FAM162A: variants seen among roughly 807,000 people sequenced by gnomAD.
The protein encoded by FAM162A is family with sequence similarity 162 member A, also known as protein FAM162A.
In FAM162A, 23 loss-of-function variants were observed where a neutral mutation model predicts 21.8. The ratio of observed to expected loss-of-function variants is 1.05; its 90% confidence interval spans 0.76 to 1.49. The LOEUF (loss-of-function observed/expected upper bound fraction) is 1.49, where lower values mean the gene tolerates loss of function less well. Among genes scored for constraint, FAM162A ranks in the 40% most tolerant of loss-of-function variants. The probability of loss-of-function intolerance (pLI) is 0.00; values close to 1 mark genes in which losing one functional copy is unlikely to be tolerated. For missense variants in FAM162A, 165 were observed against 186.4 expected (o/e 0.89, Z 0.67); for synonymous variants, 53 against 61.3 (o/e 0.86, Z 0.64).
chr3:122,409,567 G>GT (rs2075693591), intron 4 of FAM162A, among the ~76,000 whole-genome samples, 172 bp from the exon 5 acceptor site: 1 of 152,060 alleles, frequency 6.6e-6, no homozygotes, highest in African/African-American at 2.4e-5. Context: ...TGCTGTTCTT[G>GT]GAAGCGTACG....
chr3:122,394,745 C>G (rs187452695), intron 1 of FAM162A, among the ~76,000 whole-genome samples: 21 of 152,200 alleles, frequency 1.4e-4, no homozygotes, highest in African/African-American at 5.1e-4. Flanking sequence ...ACAAATTCTT[C>G]CAAAATACAA....
At chr3:122,406,041 G>C (rs1457502417) in intron 3 of FAM162A, among the ~76,000 whole-genome samples, 2 of 152,040 alleles carry the variant, frequency 1.3e-5, no homozygotes, top group African/African-American at 4.8e-5. Flanking sequence ...CCTTCCACCT[G>C]CAACATCCCA....
intron 1 of FAM162A, among the ~76,000 whole-genome samples, chr3:122,391,872 C>T (rs2075605751): frequency 6.6e-6 from 1 of 152,250 alleles, no homozygotes; most frequent in Non-Finnish European, 1.5e-5. Flanking sequence ...AAATTTCATA[C>T]ACAGCCCATT....
rs750731612 is a variant in FAM162A at position 122,407,464 on chromosome 3, T to C, written c.372+75T>C. On this transcript the variant is annotated intron_variant, in intron 4 of 4. Coordinates refer to ENST00000477892, the MANE Select transcript of FAM162A (RefSeq NM_014367.4). ...CCTAGAGTAAATCAGGGATTGACCC[T>C]TGTATTTACCCTCTGAGAAGAGGAG... 5 of 1,163,364 alleles carry C rather than the reference T, an allele frequency of 4.3e-6. No homozygotes were observed. In the African/African-American group the frequency reaches 4.6e-5, roughly 11 times the overall value. 72.1% of individuals were successfully genotyped at this position (1,163,364 alleles called of 1,614,324 possible). A position where few individuals can be genotyped will look rare whatever the true frequency, so the allele number is the denominator to read the frequency against.
intron 3 of FAM162A, among the ~76,000 whole-genome samples, chr3:122,405,925 C>G (rs545199431): frequency 6.6e-6 from 1 of 152,154 alleles, no homozygotes. Context: ...TCTTGGGTTC[C>G]TGCCAGCCTG....
intron 1 of FAM162A, among the ~76,000 whole-genome samples, chr3:122,391,594 G>A (rs960454046): frequency 3.3e-5 from 5 of 152,198 alleles, no homozygotes; most frequent in African/African-American, 4.8e-5. Context: ...GATACAGTCT[G>A]ATCTAGGTGA....
At chr3:122,386,879 T>C (rs1201156843) in intron 1 of FAM162A, among the ~76,000 whole-genome samples, 2 of 152,210 alleles carry the variant, frequency 1.3e-5, no homozygotes, top group Non-Finnish European at 2.9e-5. Context: ...ATTTTTATGA[T>C]TGTATACCAT....
chr3:122,405,696 C>CT (rs2075673681), intron 3 of FAM162A, among the ~76,000 whole-genome samples: 1 of 152,200 alleles, frequency 6.6e-6, no homozygotes. Context: ...CTGGAAGGGT[C>CT]TTTTCTGGGC....
At chr3:122,398,085 A>T (rs917351376) in intron 1 of FAM162A, among the ~76,000 whole-genome samples, 1 of 149,038 alleles carries the variant, frequency 6.7e-6, no homozygotes, top group Non-Finnish European at 1.5e-5. Flanking sequence ...AGAGCACATC[A>T]CATGTGTAAA....
chr3:122,405,667 T>C (rs115085187), intron 3 of FAM162A, among the ~76,000 whole-genome samples: 35 of 152,262 alleles, frequency 2.3e-4, no homozygotes, highest in African/African-American at 7.2e-4. Flanking sequence ...AGGCCCAAAA[T>C]ACTACCTCAC....
intron 1 of FAM162A, among the ~76,000 whole-genome samples, chr3:122,397,461 C>T (rs897123552): frequency 2.6e-5 from 4 of 152,156 alleles, no homozygotes; most frequent in African/African-American, 9.7e-5. Flanking sequence ...AAGTCTTGGA[C>T]ATTCCATTTC....
At chr3:122,397,998 G>A (rs930561268) in intron 1 of FAM162A, among the ~76,000 whole-genome samples, 5 of 152,188 alleles carry the variant, frequency 3.3e-5, no homozygotes, top group Non-Finnish European at 5.9e-5. Context: ...AATGACCACT[G>A]ATGATGTGTT....
chr3:122,410,181 AG>A lies in FAM162A; in HGVS notation c.*352del, dbSNP rs2075698280. The stretch of plus-strand genomic sequence containing the variant: ...CGAACTCATTTTGAGGAGATAAGGA[AG>A]GCCAGTTGAGTATATGGCCCAGGTG... On this transcript the variant is annotated 3_prime_UTR_variant, in exon 5 of 5. Transcript: ENST00000477892. 1 of 350,922 alleles carries A rather than the reference AG, an allele frequency of 2.8e-6. No homozygotes were observed. Among genetic ancestry groups the A allele is most frequent in the Non-Finnish European group, 5.5e-6 (1 of 182,030 alleles). The allele number at this position is 350,922 out of a possible 1,614,324, so 21.7% of individuals were successfully genotyped here. A position where few individuals can be genotyped will look rare whatever the true frequency, so the allele number is the denominator to read the frequency against.
At chr3:122,395,258 G>C (rs1422258763) in intron 1 of FAM162A, among the ~76,000 whole-genome samples, 1 of 152,126 alleles carries the variant, frequency 6.6e-6, no homozygotes, top group Non-Finnish European at 1.5e-5. Context: ...ACTTACTGGA[G>C]GTTCTCGTTA....
intron 1 of FAM162A, among the ~76,000 whole-genome samples, chr3:122,389,635 C>T (rs199932805): frequency 7.2e-5 from 11 of 152,006 alleles, no homozygotes; most frequent in South Asian, 2.1e-4. Flanking sequence ...AGCTGTGTGT[C>T]GGGTTTTATA....
chr3:122,397,451 A>G (rs1170027045), intron 1 of FAM162A, among the ~76,000 whole-genome samples: 3 of 152,186 alleles, frequency 2.0e-5, no homozygotes, highest in Non-Finnish European at 4.4e-5. Context: ...CATTCAATAC[A>G]AGTCTTGGAC....
At chr3:122,400,957 T>G (rs1049925128) in intron 1 of FAM162A, among the ~76,000 whole-genome samples, 1 of 152,216 alleles carries the variant, frequency 6.6e-6, no homozygotes, top group African/African-American at 2.4e-5. Flanking sequence ...AAATCATAAA[T>G]ACATCTTATA....
intron 1 of FAM162A, among the ~76,000 whole-genome samples, chr3:122,394,478 AAC>A (rs915848931): frequency 1.2e-4 from 18 of 152,220 alleles, no homozygotes; most frequent in African/African-American, 4.1e-4. Context: ...TCTGTGGCCA[AAC>A]ACACAAAGGA....
intron 1 of FAM162A, chr3:122,401,638 T>TA (rs763301833): frequency 0.033 from 19,630 of 597,954 alleles, no homozygotes; most frequent in South Asian, 0.041. Context: ...AGTATATATC[T>TA]AAAAAAAAAA....
Sources: allele counts gnomAD v4.1 joint callset (sites outside exome capture counted in the v4.1 genomes callset), GRCh38; gene constraint gnomAD v4.1.1; transcripts MANE v1.5; gene names NCBI Gene and HGNC (gene_info 2026-07-23, HGNC 2026-07-21).